PTPRD: variants seen among roughly 807,000 people sequenced by gnomAD.
The protein encoded by PTPRD is receptor-type tyrosine-protein phosphatase delta.
In PTPRD, 34 loss-of-function variants were observed where a neutral mutation model predicts 214.5. That is an observed-to-expected ratio of 0.16 (90% CI 0.12 to 0.21). The LOEUF is 0.21. Ranked by LOEUF, PTPRD falls within the 10% of genes least tolerant of loss-of-function variation. PTPRD has a pLI of 1.00. For missense variants in PTPRD, 2,545 were observed against 2,398.7 expected (o/e 1.06, Z -1.27); for synonymous variants, 1,128 against 845.7 (o/e 1.33, Z -5.79).
At chr9:8,345,650 T>A (rs1007717776) in intron 39 of PTPRD, among the ~76,000 whole-genome samples, 1 of 151,996 alleles carries the variant, frequency 6.6e-6, no homozygotes, top group Admixed American at 6.6e-5. Flanking sequence ...GTACACGAAA[T>A]CAGCCCAAAA....
intron 7 of PTPRD, among the ~76,000 whole-genome samples, chr9:9,630,796 A>G (rs1341268585): frequency 1.3e-5 from 2 of 152,142 alleles, no homozygotes; most frequent in East Asian, 1.9e-4. Flanking sequence ...CACAAATAAG[A>G]TTGTAAACTT....
At chr9:9,005,533 G>A (rs755285998) in intron 11 of PTPRD, among the ~76,000 whole-genome samples, 1 of 152,048 alleles carries the variant, frequency 6.6e-6, no homozygotes, top group Non-Finnish European at 1.5e-5. Context: ...AACTTTCACA[G>A]ATCATTTAAA....
chr9:10,541,970 G>T, intron 2 of PTPRD, among the ~76,000 whole-genome samples: 1 of 152,004 alleles, frequency 6.6e-6, no homozygotes, highest in East Asian at 1.9e-4. Context: ...ATGTTGTTAA[G>T]GTATTTGTAC....
chr9:9,720,640 G>C (rs1411818084), intron 7 of PTPRD, among the ~76,000 whole-genome samples: 1 of 152,110 alleles, frequency 6.6e-6, no homozygotes, highest in African/African-American at 2.4e-5. Context: ...GGCTTCATTT[G>C]CTGCATTGAG....
intron 21 of PTPRD, 76 bp from the exon 22 acceptor site, chr9:8,507,510 G>C (rs1337912104): frequency 1.3e-6 from 2 of 1,569,800 alleles, no homozygotes; most frequent in African/African-American, 1.4e-5. Flanking sequence ...AGCGTAACCT[G>C]CTTAAACCTT....
intron 9 of PTPRD, among the ~76,000 whole-genome samples, chr9:9,315,826 C>A (rs1015981793): frequency 2.7e-4 from 37 of 139,156 alleles, no homozygotes; most frequent in African/African-American, 9.0e-4. Context: ...ATTATAGTAG[C>A]AGACAACTTT....
intron 5 of PTPRD, among the ~76,000 whole-genome samples, chr9:9,781,856 A>C (rs926681019): frequency 1.3e-5 from 2 of 150,884 alleles, no homozygotes; most frequent in Non-Finnish European, 2.9e-5. Context: ...GCAGTGGCGC[A>C]ATCTCGGCTC....
chr9:9,949,046 G>T (rs1026955443), intron 4 of PTPRD, among the ~76,000 whole-genome samples: 2 of 152,000 alleles, frequency 1.3e-5, no homozygotes, highest in African/African-American at 4.8e-5. Flanking sequence ...GAGAAAACAA[G>T]ATGTAGAGCA....
chr9:8,368,140 CA>C (rs929311797), intron 39 of PTPRD, among the ~76,000 whole-genome samples: 9 of 152,158 alleles, frequency 5.9e-5, no homozygotes, highest in Admixed American at 5.9e-4. Context: ...GTAGGATACA[CA>C]TTGAGCAAAA....
chr9:8,793,083 G>T (rs531610954), intron 11 of PTPRD, among the ~76,000 whole-genome samples: 21 of 152,156 alleles, frequency 1.4e-4, no homozygotes, highest in Non-Finnish European at 2.8e-4. Context: ...ACTCGTACCT[G>T]GGTAGCCAGC....
chr9:10,116,517 C>G (rs570975234), intron 3 of PTPRD, among the ~76,000 whole-genome samples: 81 of 152,206 alleles, frequency 5.3e-4, no homozygotes, highest in African/African-American at 1.9e-3. Context: ...GCATTGAATA[C>G]ACACATTGTT....
intron 5 of PTPRD, among the ~76,000 whole-genome samples, chr9:9,793,088 A>G (rs577236843): frequency 6.6e-5 from 10 of 152,256 alleles, no homozygotes; most frequent in African/African-American, 2.4e-4. Flanking sequence ...TGTGAATTGT[A>G]CCATACCTAG....
chr9:8,349,579 C>T (rs1202317953), intron 39 of PTPRD, among the ~76,000 whole-genome samples: 1 of 152,060 alleles, frequency 6.6e-6, no homozygotes, highest in Non-Finnish European at 1.5e-5. Context: ...ATGATAAGAA[C>T]AGCAAAACTG....
intron 5 of PTPRD, among the ~76,000 whole-genome samples, chr9:9,856,909 T>A (rs1044609583): frequency 6.6e-6 from 1 of 152,108 alleles, no homozygotes; most frequent in African/African-American, 2.4e-5. Flanking sequence ...AAAAATAAGC[T>A]AGAATAAAAT....
chr9:9,891,644 G>A (rs2073377261), intron 5 of PTPRD, among the ~76,000 whole-genome samples: 1 of 151,542 alleles, frequency 6.6e-6, no homozygotes. Flanking sequence ...AGAGTAACAG[G>A]ATTTTTTTTC....
chr9:8,443,154 T>A (rs962042800), intron 34 of PTPRD, among the ~76,000 whole-genome samples: 6 of 152,204 alleles, frequency 3.9e-5, no homozygotes, highest in Non-Finnish European at 7.3e-5. Context: ...CAAAACATTT[T>A]AAAAAATTTT....
intron 5 of PTPRD, among the ~76,000 whole-genome samples, chr9:9,918,663 C>T (rs1484876948): frequency 6.6e-6 from 1 of 152,068 alleles, no homozygotes; most frequent in Non-Finnish European, 1.5e-5. Flanking sequence ...CACTACAAAG[C>T]TGTAGTAACT....
chr9:8,472,477 A>C (rs2096672779), intron 30 of PTPRD, among the ~76,000 whole-genome samples: 1 of 152,192 alleles, frequency 6.6e-6, no homozygotes, highest in Non-Finnish European at 1.5e-5. Context: ...CTCTGTGATT[A>C]AGAACTCTGT....
intron 2 of PTPRD, among the ~76,000 whole-genome samples, chr9:10,504,033 G>A (rs571354531): frequency 3.5e-5 from 5 of 142,800 alleles, no homozygotes; most frequent in African/African-American, 5.1e-5. Context: ...GGAGAATGGC[G>A]TGAACCCGGG....
Sources: gnomAD v4.1 joint callset for allele counts (sites outside exome capture counted in the v4.1 genomes callset) on GRCh38, gnomAD v4.1.1 for gene constraint, MANE v1.5 for transcripts, NCBI Gene and HGNC (gene_info 2026-07-23, HGNC 2026-07-21) for gene names.